The following DIS3L2 variants were observed in gnomAD, a reference collection of about 807,000 sequenced individuals.
DIS3L2 encodes the protein DIS3 like 3'-5' exoribonuclease 2.
Under a neutral mutation model 97.5 loss-of-function variants are expected in DIS3L2, and 34 were observed. The ratio of observed to expected loss-of-function variants is 0.35; its 90% CI spans 0.27 to 0.46. The LOEUF is 0.46. Ranked by LOEUF, DIS3L2 falls within the 20% of genes least tolerant of loss-of-function variation. DIS3L2 has a pLI of 1.00. For synonymous variants in DIS3L2, 435 were observed against 445.2 expected (o/e 0.98, Z 0.29); for missense variants, 1,038 against 1,146.0 (o/e 0.91, Z 1.36).
intron 5 of DIS3L2, among the ~76,000 whole-genome samples, chr2:232,049,207 A>G (rs781562271): frequency 8.5e-5 from 13 of 152,178 alleles, no homozygotes; most frequent in Non-Finnish European, 1.8e-4. Context: ...AAATAATATT[A>G]TGGAGAAGAT....
At chr2:232,270,326 T>C (rs1293101280) in intron 13 of DIS3L2, among the ~76,000 whole-genome samples, 2 of 152,234 alleles carry the variant, frequency 1.3e-5, no homozygotes, top group African/African-American at 4.8e-5. Context: ...GTTAATATTT[T>C]GGTATAATTC....
intron 13 of DIS3L2, among the ~76,000 whole-genome samples, chr2:232,291,768 G>A (rs1280683222): frequency 6.6e-6 from 1 of 152,246 alleles, no homozygotes; most frequent in African/African-American, 2.4e-5. Context: ...GAATGGCTCT[G>A]TCCTGCTGGG....
intron 1 of DIS3L2, among the ~76,000 whole-genome samples, chr2:231,966,954 T>C (rs968710724): frequency 2.0e-5 from 3 of 152,162 alleles, no homozygotes; most frequent in African/African-American, 7.2e-5. Flanking sequence ...AGAGTAGTTA[T>C]TACGTGACCA....
rs117270089 is a variant in DIS3L2 at position 232,176,410 on chromosome 2, C to T, written c.1124+12778C>T. 6.6e-5 allele frequency among the ~76,000 whole-genome samples: 10 copies of T among 152,076 alleles called. No homozygotes were observed. The East Asian group carries it at 1.9e-3, about 29-fold the overall frequency. ...TTTGTTGATCTTTTCACATAGCCAACTTTTATTTTCTTCTTATTCTTTTTA... is the reference window on the plus strand; with the variant it reads ...TTTGTTGATCTTTTCACATAGCCAATTTTTATTTTCTTCTTATTCTTTTTA... On this transcript the variant is annotated intron_variant, in intron 9 of 20. Coordinates refer to ENST00000325385, the MANE Select transcript of DIS3L2 (RefSeq NM_152383.5).
chr2:232,232,922 C>T (rs1994456), intron 10 of DIS3L2, among the ~76,000 whole-genome samples: 19,143 of 152,122 alleles, frequency 0.13, 1,600 homozygotes, highest in Non-Finnish European at 0.18. Context: ...CACGGAGAGG[C>T]AGAGAAACTT....
intron 1 of DIS3L2, among the ~76,000 whole-genome samples, chr2:231,995,081 G>A (rs1269942473): frequency 6.6e-6 from 1 of 151,936 alleles, no homozygotes; most frequent in East Asian, 1.9e-4. Context: ...GAGCCATTGG[G>A]CCCTTTCATT....
intron 5 of DIS3L2, among the ~76,000 whole-genome samples, chr2:232,034,332 A>G (rs968869839): frequency 1.2e-4 from 18 of 151,650 alleles, no homozygotes; most frequent in Non-Finnish European, 2.9e-5. Flanking sequence ...TCATTTTCTA[A>G]TGCGTCTATT....
At chr2:231,972,198 TAAAAA>T in intron 1 of DIS3L2, among the ~76,000 whole-genome samples, 1 of 151,520 alleles carries the variant, frequency 6.6e-6, no homozygotes, top group South Asian at 2.1e-4. Context: ...AATAAAAAAA[TAAAAA>T]ATAAATAAAA....
intron 6 of DIS3L2, among the ~76,000 whole-genome samples, chr2:232,114,964 C>T (rs1356118392): frequency 6.6e-6 from 1 of 152,022 alleles, no homozygotes; most frequent in East Asian, 1.9e-4. Context: ...CTGCAGAGTC[C>T]CTAGGCAGCA....
At chr2:232,085,431 C>T (rs1180442940) in intron 5 of DIS3L2, among the ~76,000 whole-genome samples, 1 of 152,132 alleles carries the variant, frequency 6.6e-6, no homozygotes, top group Non-Finnish European at 1.5e-5. Context: ...CGGTGCCTGG[C>T]ACGAGGTGGG....
intron 14 of DIS3L2, among the ~76,000 whole-genome samples, chr2:232,306,883 C>T (rs1694998824): frequency 6.6e-6 from 1 of 152,272 alleles, no homozygotes; most frequent in Admixed American, 6.5e-5. Context: ...TACCAGATTA[C>T]CTCACGCTCC....
chr2:232,186,844 G>C (rs1005555231), intron 9 of DIS3L2, among the ~76,000 whole-genome samples: 1 of 152,118 alleles, frequency 6.6e-6, no homozygotes, highest in African/African-American at 2.4e-5. Flanking sequence ...TGAATGTAAG[G>C]GCTAAAACTA....
chr2:232,327,771 C>T (rs931667513), intron 14 of DIS3L2, among the ~76,000 whole-genome samples: 1 of 152,154 alleles, frequency 6.6e-6, no homozygotes, highest in Admixed American at 6.5e-5. Context: ...ATTGAGGAGA[C>T]CCCCAGCTGG....
intron 10 of DIS3L2, among the ~76,000 whole-genome samples, chr2:232,225,676 A>G: frequency 6.6e-6 from 1 of 152,192 alleles, no homozygotes; most frequent in Admixed American, 6.5e-5. Flanking sequence ...GTAAAACTTC[A>G]TTGAACTGTA....
intron 13 of DIS3L2, among the ~76,000 whole-genome samples, chr2:232,294,048 C>G (rs972756952): frequency 3.9e-5 from 6 of 152,212 alleles, no homozygotes; most frequent in Non-Finnish European, 7.3e-5. Context: ...TCTGTGTCCT[C>G]CATGATTTGG....
chr2:232,183,075 A>G (rs919220677), intron 9 of DIS3L2, among the ~76,000 whole-genome samples: 1 of 150,726 alleles, frequency 6.6e-6, no homozygotes, highest in Non-Finnish European at 1.5e-5. Flanking sequence ...TGCCCTTATA[A>G]AAAGAAGCAT....
intron 9 of DIS3L2, among the ~76,000 whole-genome samples, chr2:232,184,882 TTC>T (rs1446588183): frequency 1.2e-4 from 19 of 152,254 alleles, no homozygotes; most frequent in Admixed American, 1.2e-3. Context: ...TCTGTCATAG[TTC>T]TCTGTCTTAC....
At chr2:232,274,486 C>T (rs751642590) in intron 13 of DIS3L2, among the ~76,000 whole-genome samples, 4 of 152,204 alleles carry the variant, frequency 2.6e-5, no homozygotes, top group Non-Finnish European at 5.9e-5. Context: ...TAGATTTAAA[C>T]CATGACTGCT....
At chr2:232,240,295 G>C (rs574052602) in intron 11 of DIS3L2, among the ~76,000 whole-genome samples, 26 of 152,306 alleles carry the variant, frequency 1.7e-4, no homozygotes, top group Middle Eastern at 6.8e-3. Context: ...CAGAAGTACA[G>C]CTTTGCCTAC....
Sources: gnomAD v4.1 joint callset for allele counts (sites outside exome capture counted in the v4.1 genomes callset) on GRCh38, gnomAD v4.1.1 for gene constraint, MANE v1.5 for transcripts, NCBI Gene and HGNC (gene_info 2026-07-23, HGNC 2026-07-21) for gene names.